The following TACR3 variants were observed in gnomAD, a reference collection of about 807,000 sequenced individuals.
The protein encoded by TACR3 is neuromedin-K receptor.
In TACR3, 34 loss-of-function variants were observed where a neutral mutation model predicts 35.0. That is an observed-to-expected ratio of 0.97 (90% CI 0.74 to 1.30). TACR3 has a LOEUF of 1.30. Ranked by LOEUF, TACR3 falls within the 50% of genes most tolerant of loss-of-function variation. The probability of loss-of-function intolerance (pLI) is 0.00; values close to 1 mark genes in which losing one functional copy is unlikely to be tolerated. For synonymous variants in TACR3, 233 were observed against 221.1 expected, an observed-to-expected ratio of 1.05 and a Z score of -0.48; for missense variants, 558 against 591.7, an observed-to-expected ratio of 0.94 and a Z score of 0.59.
intron 4 of TACR3, 22 bp downstream of exon 4, chr4:103,591,465 C>G (rs1024180253): frequency 6.2e-7 from 1 of 1,613,156 alleles, no homozygotes; most frequent in South Asian, 1.1e-5. Flanking sequence ...AAGCAACTTG[C>G]ATTTCGTAGT....
At chr4:103,628,508 A>G (rs1379582737) in intron 3 of TACR3, among the ~76,000 whole-genome samples, 3 of 152,216 alleles carry the variant, frequency 2.0e-5, no homozygotes, top group African/African-American at 4.8e-5. Context: ...CCATCAGAGA[A>G]TACTATAAAC....
intron 1 of TACR3, among the ~76,000 whole-genome samples, chr4:103,696,651 G>T (rs939188428): frequency 1.3e-5 from 2 of 151,962 alleles, no homozygotes; most frequent in African/African-American, 4.8e-5. Context: ...TTTTGCTGAT[G>T]CCACTTTCCT....
chr4:103,698,358 A>ATCT (rs947254994), intron 1 of TACR3, among the ~76,000 whole-genome samples: 27 of 152,228 alleles, frequency 1.8e-4, no homozygotes, highest in Admixed American at 5.2e-4. Context: ...AGTGCCTAGC[A>ATCT]TCTTTTGTTT....
chr4:103,589,866 C>G lies in TACR3; in HGVS notation c.1214G>C (p.Arg405Thr). ...AAACACGACTGTCATGGACTCCATT[C>G]TGGTCACGGTGTACATACTGCTTTG... ...NRQSSMYTVT[R>T]MESMTVVFDP... Residue 405 changes from arginine to threonine, a missense_variant, in exon 5 of 5, where the codon AGA becomes ACA. Transcript: ENST00000304883. 6.2e-7 allele frequency: 1 copy of G among 1,613,924 alleles called. No individual in the cohort carries two copies. The highest frequency in any genetic ancestry group is 8.5e-7 in the Non-Finnish European group (1 of 1,179,880).
At chr4:103,695,228 G>A (rs981081452) in intron 1 of TACR3, among the ~76,000 whole-genome samples, 7 of 152,124 alleles carry the variant, frequency 4.6e-5, no homozygotes, top group Non-Finnish European at 8.8e-5. Context: ...TGGACAACAT[G>A]AGTTTGAACT....
chr4:103,636,340 A>G (rs1208287620), intron 3 of TACR3, among the ~76,000 whole-genome samples: 1 of 143,622 alleles, frequency 7.0e-6, no homozygotes, highest in Non-Finnish European at 1.5e-5. Flanking sequence ...CACTTTGGTA[A>G]GTATGTGCAG....
intron 3 of TACR3, among the ~76,000 whole-genome samples, chr4:103,621,774 G>C (rs369392037): frequency 6.6e-6 from 1 of 152,156 alleles, no homozygotes; most frequent in African/African-American, 2.4e-5. Context: ...ACTTTGAAGC[G>C]TCTACTACAC....
At chr4:103,598,028 A>G (rs1187668918) in intron 3 of TACR3, among the ~76,000 whole-genome samples, 1 of 152,194 alleles carries the variant, frequency 6.6e-6, no homozygotes, top group Non-Finnish European at 1.5e-5. Flanking sequence ...GAATCGCCAC[A>G]CCGACTTCCA....
intron 1 of TACR3, among the ~76,000 whole-genome samples, chr4:103,706,955 T>C (rs1412459255): frequency 6.6e-6 from 1 of 152,194 alleles, no homozygotes; most frequent in Non-Finnish European, 1.5e-5. Context: ...ATATGCTTTA[T>C]CCTTTCTTGC....
intron 3 of TACR3, among the ~76,000 whole-genome samples, chr4:103,618,232 C>T (rs1169064625): frequency 1.3e-5 from 2 of 152,118 alleles, no homozygotes; most frequent in Non-Finnish European, 2.9e-5. Flanking sequence ...AAGCTTTAAT[C>T]CATTTTAAGT....
At chr4:103,616,302 ATG>A (rs3839189) in intron 3 of TACR3, among the ~76,000 whole-genome samples, 2 of 151,216 alleles carry the variant, frequency 1.3e-5, no homozygotes, top group African/African-American at 2.4e-5. Flanking sequence ...ACATACGTGT[ATG>A]TGTGTGTGTG....
chr4:103,641,624 G>A (rs1313278977), intron 3 of TACR3, among the ~76,000 whole-genome samples: 1 of 151,882 alleles, frequency 6.6e-6, no homozygotes, highest in African/African-American at 2.4e-5. Flanking sequence ...TCTCACTTCT[G>A]TATACATACC....
At chr4:103,696,963 G>A (rs1390154996) in intron 1 of TACR3, among the ~76,000 whole-genome samples, 1 of 152,102 alleles carries the variant, frequency 6.6e-6, no homozygotes, top group African/African-American at 2.4e-5. Flanking sequence ...ACCCAGGCTG[G>A]TATGCAGTGG....
intron 1 of TACR3, among the ~76,000 whole-genome samples, chr4:103,684,380 G>C (rs1722183409): frequency 6.6e-6 from 1 of 152,080 alleles, no homozygotes; most frequent in African/African-American, 2.4e-5. Context: ...CAGAATACAG[G>C]TTCAAGTGAC....
rs1723829248 is a variant in TACR3, at chr4:103,588,705, T to C, written c.*977A>G. 6.6e-6 allele frequency: 1 copy of C among 152,128 alleles called. No individual in the cohort carries two copies. The highest frequency in any genetic ancestry group is 6.6e-5 in the Admixed American group (1 of 15,258). 9.4% of individuals were successfully genotyped at this position (152,128 alleles called of 1,614,324 possible). On this transcript the variant is annotated 3_prime_UTR_variant, in exon 5 of 5. Transcript: ENST00000304883. ...TACTCATATGTAACATATATTGGTATTTTTCAACCATATAGTCTTTTGTCA... is the reference window on the plus strand; with the variant it reads ...TACTCATATGTAACATATATTGGTACTTTTCAACCATATAGTCTTTTGTCA...
In TACR3 at chr4:103,688,310, C is replaced by T. The variant is rs528846979; in HGVS notation, c.549-29907G>A. Among the ~76,000 whole-genome samples the T allele has an allele frequency of 9.2e-5, 14 of 152,204 alleles. No homozygotes were observed. The East Asian group carries it at 9.7e-4, about 11-fold the overall frequency. ...CATAAAAACCCTAGAAGAAAACCTACGCATTGCCATTCAGGACACTGGCAT... is the reference window on the plus strand; with the variant it reads ...CATAAAAACCCTAGAAGAAAACCTATGCATTGCCATTCAGGACACTGGCAT... On this transcript the variant is annotated intron_variant, in intron 1 of 4. Transcript: ENST00000304883.
Position 103,656,272 on chromosome 4 carries a change from A to T in TACR3, c.810T>A (p.Val270=). 6.2e-7 allele frequency: 1 copy of T among 1,613,130 alleles called. No homozygotes were observed. The highest frequency in any genetic ancestry group is 8.5e-7 in the Non-Finnish European group (1 of 1,179,348). The change falls in exon 3 of 5, where the codon GTT becomes GTA. Residue 270 remains valine, a synonymous_variant. Coordinates refer to ENST00000304883, the MANE Select transcript of TACR3 (RefSeq NM_001059.3). ...TTTCTCCTCCCCAGAGAGTAATTCC[A>T]ACAATGGTGTATGTAATACCCATGA... ...LLIMGITYTI[V]GITLWGGEIP... is the part of the protein sequence containing the mutation.
At chr4:103,598,622 A>AT (rs1218564635) in intron 3 of TACR3, among the ~76,000 whole-genome samples, 2 of 152,064 alleles carry the variant, frequency 1.3e-5, no homozygotes, top group Non-Finnish European at 2.9e-5. Flanking sequence ...TCTTGAATTG[A>AT]TTTTTATATA....
intron 1 of TACR3, among the ~76,000 whole-genome samples, chr4:103,697,441 T>TA (rs1722545908): frequency 3.4e-4 from 50 of 149,106 alleles, no homozygotes; most frequent in Admixed American, 3.3e-3. Flanking sequence ...TTTATTTATT[T>TA]TGAGACGGAG....
Sources: allele counts gnomAD v4.1 joint callset (sites outside exome capture counted in the v4.1 genomes callset), GRCh38; gene constraint gnomAD v4.1.1; transcripts MANE v1.5; gene names NCBI Gene and HGNC (gene_info 2026-07-23, HGNC 2026-07-21).